SLC38A12: variants seen among roughly 807,000 people sequenced by gnomAD.
SLC38A12 encodes the protein putative sodium-coupled neutral amino acid transporter 12.
At chr17:74,830,966 G>A in the SLC38A12 span, among the ~76,000 whole-genome samples, 1 of 152,234 alleles carries the variant, frequency 6.6e-6, no homozygotes, top group African/African-American at 2.4e-5. Context: ...GCCTCAGTGA[G>A]GCTCTGCCTA....
At chr17:74,836,172 ATCT>A in the SLC38A12 span, 1 of 1,612,922 alleles carries the variant, frequency 6.2e-7, no homozygotes, top group Non-Finnish European at 8.5e-7. This position sits in a 1 kb window ranked among gnomAD's most constrained non-coding sequence, Gnocchi z 4.2. Context: ...CTTCACCGCC[ATCT>A]TCTGCTTCCG....
chr17:74,784,475 C>A, the SLC38A12 span, among the ~76,000 whole-genome samples: 1 of 152,096 alleles, frequency 6.6e-6, no homozygotes, highest in Non-Finnish European at 1.5e-5. Context: ...GACTAGCAGG[C>A]AGCTGGACTT....
At chr17:74,810,083 C>T in the SLC38A12 span, among the ~76,000 whole-genome samples, 501 of 152,326 alleles carry the variant, frequency 3.3e-3, 3 homozygotes, top group African/African-American at 0.011. Context: ...CTCATGATTG[C>T]CTCTGCCTGG....
the SLC38A12 span, among the ~76,000 whole-genome samples, chr17:74,809,151 T>C: frequency 2.1e-4 from 32 of 152,248 alleles, no homozygotes; most frequent in South Asian, 5.8e-3. Flanking sequence ...TACGTAGGGG[T>C]ACGGGGTATT....
At chr17:74,782,719 C>T in the SLC38A12 span, among the ~76,000 whole-genome samples, 1 of 152,238 alleles carries the variant, frequency 6.6e-6, no homozygotes. Flanking sequence ...AGCAGCACCA[C>T]TCTGAGCCAG....
chr17:74,784,934 A>G, the SLC38A12 span, among the ~76,000 whole-genome samples: 1 of 150,542 alleles, frequency 6.6e-6, no homozygotes, highest in Admixed American at 6.6e-5. Context: ...GGTGGATTTT[A>G]TGGTATGTGA....
the SLC38A12 span, among the ~76,000 whole-genome samples, chr17:74,827,505 A>G: frequency 6.6e-6 from 1 of 152,128 alleles, no homozygotes; most frequent in Non-Finnish European, 1.5e-5. The surrounding 1 kb of genome is among the most constrained non-coding windows in gnomAD (Gnocchi z 4.7). Flanking sequence ...CATGTTGGCC[A>G]GGCTGGTCTC....
the SLC38A12 span, chr17:74,819,894 C>T: frequency 1.3e-6 from 2 of 1,545,110 alleles, no homozygotes; most frequent in Non-Finnish European, 1.8e-6. Flanking sequence ...CTCGTCCCTT[C>T]CCTCTCCTTT....
the SLC38A12 span, among the ~76,000 whole-genome samples, chr17:74,788,388 C>A: frequency 3.3e-5 from 5 of 152,142 alleles, no homozygotes; most frequent in Admixed American, 6.5e-5. Flanking sequence ...GTGAAAGCTG[C>A]CTGCTGTCCT....
chr17:74,839,275 C>T, the SLC38A12 span: 80 of 1,185,562 alleles, frequency 6.7e-5, no homozygotes, highest in East Asian at 2.9e-4. Flanking sequence ...GTCCTCACTA[C>T]GGGGCAGGGA....
chr17:74,795,423 T>C, the SLC38A12 span: 1 of 1,004,238 alleles, frequency 1.0e-6, no homozygotes. Context: ...AAAAGTCTGA[T>C]TGTTGGCGCT....
the SLC38A12 span, among the ~76,000 whole-genome samples, chr17:74,809,697 C>T: frequency 6.6e-6 from 1 of 152,104 alleles, no homozygotes; most frequent in African/African-American, 2.4e-5. Context: ...AGGCGGTGGA[C>T]CAGGGCTGCT....
chr17:74,785,814 C>A, the SLC38A12 span: 1 of 557,486 alleles, frequency 1.8e-6, no homozygotes, highest in Non-Finnish European at 3.1e-6. Context: ...GTTGCACAGC[C>A]CTGATCAGAT....
At chr17:74,823,764 G>A in the SLC38A12 span, among the ~76,000 whole-genome samples, 5 of 152,230 alleles carry the variant, frequency 3.3e-5, no homozygotes, top group African/African-American at 7.2e-5. Flanking sequence ...TCAGGTCTCC[G>A]GTGGCTGCTC....
the SLC38A12 span, among the ~76,000 whole-genome samples, chr17:74,833,207 G>A: frequency 6.6e-6 from 1 of 152,194 alleles, no homozygotes; most frequent in Admixed American, 6.5e-5. Context: ...GGAGAGACAG[G>A]GTTTCACCAT....
the SLC38A12 span, among the ~76,000 whole-genome samples, chr17:74,791,607 C>T: frequency 6.6e-6 from 1 of 152,274 alleles, no homozygotes; most frequent in African/African-American, 2.4e-5. Context: ...CTTCTGACAG[C>T]GCTAGAATCT....
the SLC38A12 span, among the ~76,000 whole-genome samples, chr17:74,825,396 C>T: frequency 2.0e-5 from 3 of 152,322 alleles, no homozygotes; most frequent in Middle Eastern, 3.4e-3. Context: ...GTTCTTTTTG[C>T]AAATGCACAG....
At chr17:74,821,225 A>T in the SLC38A12 span, among the ~76,000 whole-genome samples, 1 of 152,204 alleles carries the variant, frequency 6.6e-6, no homozygotes, top group Non-Finnish European at 1.5e-5. Context: ...TGAGAGCAGG[A>T]TGGAGATGAG....
the SLC38A12 span, chr17:74,836,306 CA>C: frequency 6.2e-7 from 1 of 1,612,826 alleles, no homozygotes; most frequent in Non-Finnish European, 8.5e-7. This position sits in a 1 kb window ranked among gnomAD's most constrained non-coding sequence, Gnocchi z 4.2. Flanking sequence ...CCAACTTCCC[CA>C]TCATTGCCGT....
Sources: gnomAD v4.1 joint callset for allele counts (sites outside exome capture counted in the v4.1 genomes callset) on GRCh38, gnomAD v4.1.1 for gene constraint, Gnocchi (gnomAD v3.1) non-coding constraint, MANE v1.5 for transcripts, NCBI Gene and HGNC (gene_info 2026-07-23, HGNC 2026-07-21) for gene names.